RBM20: variants seen among roughly 807,000 people sequenced by gnomAD.
The protein encoded by RBM20 is RNA-binding protein 20.
Under a neutral mutation model 110.1 loss-of-function variants are expected in RBM20, and 51 were observed. The ratio of observed to expected loss-of-function variants is 0.46; its 90% CI spans 0.37 to 0.59. RBM20 has a LOEUF of 0.59. Among genes scored for constraint, RBM20 ranks in the 20% least tolerant of loss-of-function variants. RBM20 has a pLI of 0.00. For synonymous variants in RBM20, 589 were observed against 618.2 expected (o/e 0.95, Z 0.70); for missense variants, 1,512 against 1,574.9 (o/e 0.96, Z 0.68).
chr10:110,774,774 A>G (rs2135029795), intron 1 of RBM20, among the ~76,000 whole-genome samples: 1 of 152,076 alleles, frequency 6.6e-6, no homozygotes, highest in East Asian at 1.9e-4. Context: ...AAGTGTGATC[A>G]CTAGCTAGAG....
chr10:110,732,254 A>G (rs1170286427), intron 1 of RBM20, among the ~76,000 whole-genome samples: 2 of 151,774 alleles, frequency 1.3e-5, no homozygotes, highest in Non-Finnish European at 2.9e-5. Flanking sequence ...CGCCCCTGCT[A>G]TTTCTATGGA....
At chr10:110,647,778 T>C (rs1041070427) in intron 1 of RBM20, among the ~76,000 whole-genome samples, 1 of 152,204 alleles carries the variant, frequency 6.6e-6, no homozygotes, top group African/African-American at 2.4e-5. Context: ...AACCTAATCC[T>C]TTATTTATAA....
At chr10:110,732,953 A>G (rs59304278) in intron 1 of RBM20, among the ~76,000 whole-genome samples, 22,673 of 152,106 alleles carry the variant, frequency 0.15, 2,207 homozygotes, top group East Asian at 0.28. Flanking sequence ...AGGGCTACTC[A>G]CCAGGCTCGG....
intron 1 of RBM20, among the ~76,000 whole-genome samples, chr10:110,683,250 T>G (rs1466767082): frequency 6.6e-6 from 1 of 152,204 alleles, no homozygotes; most frequent in Non-Finnish European, 1.5e-5. Flanking sequence ...ACCTAATAGG[T>G]CTGAATTTCA....
chr10:110,762,987 G>T (rs1485090179), intron 1 of RBM20, among the ~76,000 whole-genome samples: 1 of 152,346 alleles, frequency 6.6e-6, no homozygotes, highest in East Asian at 1.9e-4. Context: ...AGGCTGGCTG[G>T]TTCCCTCAGG....
At chr10:110,673,843 C>T (rs1862295288) in intron 1 of RBM20, among the ~76,000 whole-genome samples, 1 of 152,104 alleles carries the variant, frequency 6.6e-6, no homozygotes, top group South Asian at 2.1e-4. Flanking sequence ...TTCAGAGAGC[C>T]ATCAGAAATT....
intron 1 of RBM20, among the ~76,000 whole-genome samples, chr10:110,778,932 G>A (rs1844302044): frequency 6.6e-6 from 1 of 152,264 alleles, no homozygotes; most frequent in East Asian, 1.9e-4. Context: ...AGTAAGATTC[G>A]GTGAGAGTCT....
At chr10:110,822,891 C>T (rs1308445578) in intron 11 of RBM20, among the ~76,000 whole-genome samples, 2 of 152,076 alleles carry the variant, frequency 1.3e-5, no homozygotes, top group Non-Finnish European at 2.9e-5. Context: ...CTAGAGAAAC[C>T]GTGAGGCCCA....
At chr10:110,679,658 G>T (rs545187875) in intron 1 of RBM20, among the ~76,000 whole-genome samples, 9 of 152,350 alleles carry the variant, frequency 5.9e-5, no homozygotes, top group Non-Finnish European at 1.2e-4. Flanking sequence ...GTGACTTTAT[G>T]CAAGGGCTTT....
At chr10:110,778,528 C>A (rs1269907302) in intron 1 of RBM20, among the ~76,000 whole-genome samples, 1 of 152,180 alleles carries the variant, frequency 6.6e-6, no homozygotes, top group East Asian at 1.9e-4. Flanking sequence ...CTGTACAGAA[C>A]CTGTGACAGT....
At chr10:110,833,786 G>A (rs138364650) in intron 13 of RBM20, among the ~76,000 whole-genome samples, 31 of 152,288 alleles carry the variant, frequency 2.0e-4, no homozygotes, top group African/African-American at 2.9e-4. Flanking sequence ...TAAGCCCCTC[G>A]TGCCAGCCAA....
At chr10:110,663,246 C>T (rs1381326743) in intron 1 of RBM20, among the ~76,000 whole-genome samples, 2 of 152,132 alleles carry the variant, frequency 1.3e-5, no homozygotes, top group Non-Finnish European at 1.5e-5. Context: ...GCGTGAGCCA[C>T]CACACCCAGC....
At chr10:110,758,014 C>CT (rs760246427) in intron 1 of RBM20, among the ~76,000 whole-genome samples, 1,090 of 79,804 alleles carry the variant, frequency 0.014, 120 homozygotes, top group South Asian at 0.021. Flanking sequence ...GATCCTTGTT[C>CT]TTTTTTTTTT....
Position 110,836,747 on chromosome 10 carries a change from T to C in RBM20, c.*769T>C, listed in dbSNP as rs1845136349. 6.6e-6 allele frequency: 1 copy of C among 152,228 alleles called. No homozygotes were observed. The highest frequency in any genetic ancestry group is 1.5e-5 in the Non-Finnish European group (1 of 68,046). 9.4% of individuals were successfully genotyped at this position (152,228 alleles called of 1,614,324 possible). A position where few individuals can be genotyped will look rare whatever the true frequency, so the allele number is the denominator to read the frequency against. ...TCTGATAAGTTTCCTCCAAACTTAT[T>C]CCCCTCCTCTTGATTTCAGGAGATG... On this transcript the variant is annotated 3_prime_UTR_variant, in exon 14 of 14. Transcript: ENST00000369519.
chr10:110,666,708 ATC>A (rs34177090), intron 1 of RBM20, among the ~76,000 whole-genome samples: 79,299 of 151,804 alleles, frequency 0.52, 20,952 homozygotes, highest in East Asian at 0.71. Context: ...CCTAACTCAC[ATC>A]TGTCTGGCTC....
chr10:110,813,007 A>G (rs1844795605), intron 9 of RBM20, 60 bp downstream of exon 9: 1 of 1,167,304 alleles, frequency 8.6e-7, no homozygotes, highest in Non-Finnish European at 1.2e-6. Context: ...AATAATCATA[A>G]TAATATAATG....
intron 2 of RBM20, among the ~76,000 whole-genome samples, chr10:110,782,866 A>G (rs947887950): frequency 6.6e-6 from 1 of 152,224 alleles, no homozygotes; most frequent in African/African-American, 2.4e-5. Context: ...TGTGACCCAG[A>G]TAGGACATGC....
chr10:110,700,962 C>T (rs1274228708), intron 1 of RBM20, among the ~76,000 whole-genome samples: 1 of 152,144 alleles, frequency 6.6e-6, no homozygotes, highest in Non-Finnish European at 1.5e-5. Context: ...TTGCAGTGAG[C>T]CGAGTTCATG....
chr10:110,727,897 T>G (rs1354160579), intron 1 of RBM20, among the ~76,000 whole-genome samples: 1 of 152,130 alleles, frequency 6.6e-6, no homozygotes, highest in African/African-American at 2.4e-5. Context: ...TGAGAACATG[T>G]GGTGTTTGGT....
Sources: allele counts gnomAD v4.1 joint callset (sites outside exome capture counted in the v4.1 genomes callset), GRCh38; gene constraint gnomAD v4.1.1; transcripts MANE v1.5; gene names NCBI Gene and HGNC (gene_info 2026-07-23, HGNC 2026-07-21).